RASGEF1C: variants seen among roughly 807,000 people sequenced by gnomAD.
The protein encoded by RASGEF1C is ras-GEF domain-containing family member 1C.
Under a neutral mutation model 58.1 loss-of-function variants are expected in RASGEF1C, and 27 were observed. The observed-to-expected ratio is 0.46, with a 90% confidence interval of 0.34 to 0.64. RASGEF1C has a LOEUF of 0.64. Among genes scored for constraint, RASGEF1C ranks in the 30% least tolerant of loss-of-function variants. The pLI is 0.01. For synonymous variants in RASGEF1C, 243 were observed against 246.3 expected (o/e 0.99, Z 0.13); for missense variants, 502 against 605.1 (o/e 0.83, Z 1.79).
rs4700913 is a variant in RASGEF1C at position 180,191,044 on chromosome 5, C to A, written c.-7+17984G>T. The stretch of plus-strand genomic sequence containing the variant: ...GGCAAATAGGCATAAGAAATGATGT[C>A]TCATATCATTAGTCATCTGGGAAGT... On this transcript the variant is annotated intron_variant, in intron 1 of 13. Coordinates refer to ENST00000361132, the MANE Select transcript of RASGEF1C (RefSeq NM_175062.4). Among the ~76,000 whole-genome samples, 17 of 152,134 alleles carry A rather than the reference C, an allele frequency of 1.1e-4. 1 individual carries two copies. Among genetic ancestry groups the A allele is most frequent in the African/African-American group, 4.1e-4 (17 of 41,414 alleles).
rs1275249184 is a variant in RASGEF1C at position 180,204,627 on chromosome 5, T to TATCG, written c.-7+4400_-7+4401insCGAT. On this transcript the variant is annotated intron_variant, in intron 1 of 13. Coordinates refer to ENST00000361132, the MANE Select transcript of RASGEF1C (RefSeq NM_175062.4). The stretch of plus-strand genomic sequence containing the variant: ...GTCAATGGATATTCCTCTATCTATC[T>TATCG]ATCTATCTATCTATCTATCTATCTA... Among the ~76,000 whole-genome samples the TATCG allele has an allele frequency of 1.1e-4, 17 of 150,758 alleles. No homozygotes were observed. In the South Asian group the frequency reaches 2.1e-3, roughly 19 times the overall value.
chr5:180,110,514 G>C (rs1048063105), intron 12 of RASGEF1C, among the ~76,000 whole-genome samples: 1 of 151,502 alleles, frequency 6.6e-6, no homozygotes, highest in Non-Finnish European at 1.5e-5. Flanking sequence ...CCCTCTCAGG[G>C]TGATGTGGGG....
chr5:180,110,748 C>T (rs1765946634), intron 12 of RASGEF1C, among the ~76,000 whole-genome samples: 1 of 152,208 alleles, frequency 6.6e-6, no homozygotes, highest in African/African-American at 2.4e-5. Flanking sequence ...GTTACACCTG[C>T]ACACACGTAC....
At chr5:180,107,721 G>C (rs887963942) in intron 12 of RASGEF1C, among the ~76,000 whole-genome samples, 3 of 152,160 alleles carry the variant, frequency 2.0e-5, no homozygotes, top group African/African-American at 7.2e-5. Context: ...CAATTCTTGT[G>C]CCTCAGCCAC....
At chr5:180,113,845 G>A (rs551234957) in intron 11 of RASGEF1C, among the ~76,000 whole-genome samples, 3 of 151,528 alleles carry the variant, frequency 2.0e-5, no homozygotes, top group African/African-American at 7.3e-5. Context: ...GACCGAGGAT[G>A]GATGGAGGGA....
intron 1 of RASGEF1C, among the ~76,000 whole-genome samples, chr5:180,202,015 C>G (rs141096058): frequency 8.2e-4 from 124 of 152,092 alleles, no homozygotes; most frequent in South Asian, 6.2e-3. Context: ...TGAAGAAAAT[C>G]CCTACATTAT....
chr5:180,121,258 C>G (rs1766162975), intron 6 of RASGEF1C, 109 bp from the exon 7 acceptor site: 5 of 723,286 alleles, frequency 6.9e-6, no homozygotes, highest in Non-Finnish European at 1.2e-5. Flanking sequence ...GTTAAAACCC[C>G]CAAACCATCC....
rs13354066 is a variant in RASGEF1C at position 180,128,407 on chromosome 5, T to C, written c.639+3A>G. The C allele has an allele frequency of 0.37, 604,069 of 1,611,758 alleles. 115,040 individuals are homozygous for C. Among genetic ancestry groups the C allele is most frequent in the African/African-American group, 0.47 (35,490 of 74,906 alleles). ...GTGAGGAAGGTGGTTTGGGCCGGCT[T>C]ACCAGTTCCACGTGGGTCAGCTGCT... On this transcript the variant is annotated splice_donor_region_variant and intron_variant, in intron 5 of 13. Transcript: ENST00000361132.
In RASGEF1C at chr5:180,193,692, C is replaced by T. The variant is rs57182265; in HGVS notation, c.-7+15336G>A. Among the ~76,000 whole-genome samples, 1,483 of 152,292 alleles carry T rather than the reference C, an allele frequency of 9.7e-3. 27 individuals carry two copies. Among genetic ancestry groups the T allele is most frequent in the Middle Eastern group, 0.044 (13 of 294 alleles). ...CAAAAATCAAATGCAGCACGTGGGA[C>T]GTGGATCTTTCCAGATTTGAACAAA... On this transcript the variant is annotated intron_variant, in intron 1 of 13. Coordinates refer to ENST00000361132, the MANE Select transcript of RASGEF1C (RefSeq NM_175062.4).
chr5:180,114,615 G>A (rs1582262699), intron 10 of RASGEF1C, 74 bp from the exon 11 acceptor site: 1 of 1,424,050 alleles, frequency 7.0e-7, no homozygotes, highest in East Asian at 2.5e-5. Context: ...GGGCAGCCTT[G>A]CCAGCAGATA....
At position 180,177,606 on chromosome 5, in the gene RASGEF1C, T is replaced by C. The variant is rs1767251568; in HGVS notation, c.-7+31422A>G. Among the ~76,000 whole-genome samples, 1 of 149,788 alleles carries C rather than the reference T, an allele frequency of 6.7e-6. No homozygotes were observed. Among genetic ancestry groups the C allele is most frequent in the Admixed American group, 6.6e-5 (1 of 15,200 alleles). ...CCATTTGTCCTTCCTCTCCTGCCCG[T>C]GGTAGGAGGACATGGCCCTGGTGCC... On this transcript the variant is annotated intron_variant, in intron 1 of 13. Coordinates refer to ENST00000361132, the MANE Select transcript of RASGEF1C (RefSeq NM_175062.4). The surrounding 1 kb of genome is among the most constrained non-coding windows in gnomAD (Gnocchi z 5.0).
At chr5:180,117,947 T>C (rs182548845) in intron 10 of RASGEF1C, among the ~76,000 whole-genome samples, 34 of 144,570 alleles carry the variant, frequency 2.4e-4, no homozygotes, top group African/African-American at 8.6e-4. Flanking sequence ...TGAGCCAAGA[T>C]TGCACCACTG....
At chr5:180,131,888 A>T (rs1766375769) in intron 4 of RASGEF1C, among the ~76,000 whole-genome samples, 1 of 152,212 alleles carries the variant, frequency 6.6e-6, no homozygotes, top group South Asian at 2.1e-4. Flanking sequence ...CCTGCTTGCT[A>T]ATTTATTTCG....
intron 12 of RASGEF1C, among the ~76,000 whole-genome samples, chr5:180,109,109 A>G (rs1231475895): frequency 6.6e-6 from 1 of 152,116 alleles, no homozygotes; most frequent in East Asian, 1.9e-4. Context: ...ACTCATCTTA[A>G]TGCCCAAGTT....
chr5:180,204,640 AT>A lies in RASGEF1C; in HGVS notation c.-7+4387del, dbSNP rs1308624707. 5.5e-4 allele frequency among the ~76,000 whole-genome samples: 84 copies of A among 152,046 alleles called. No individual in the cohort carries two copies. In the East Asian group the frequency reaches 0.015, roughly 28 times the overall value. Reference sequence around the variant, plus strand: ...CCTCTATCTATCTATCTATCTATCTATCTATCTATCTATCTATCTCATCTAT... The same window carrying A: ...CCTCTATCTATCTATCTATCTATCTACTATCTATCTATCTATCTCATCTAT... On this transcript the variant is annotated intron_variant, in intron 1 of 13. Coordinates refer to ENST00000361132, the MANE Select transcript of RASGEF1C (RefSeq NM_175062.4).
rs187534330 is a variant in RASGEF1C, at chr5:180,207,967, C to G, written c.-7+1061G>C. ...ATGTCCTTGCTTTTGCCTTTGATTT[C>G]TTGTTTGGTGTCCCCTCCCACACCA... On this transcript the variant is annotated intron_variant, in intron 1 of 13. Transcript: ENST00000361132. 2.2e-3 allele frequency among the ~76,000 whole-genome samples: 333 copies of G among 152,310 alleles called. 4 individuals are homozygous for G. The highest frequency in any genetic ancestry group is 7.5e-3 in the African/African-American group (310 of 41,582).
At chr5:180,151,991 G>A (rs1169833615) in intron 1 of RASGEF1C, among the ~76,000 whole-genome samples, 2 of 149,952 alleles carry the variant, frequency 1.3e-5, no homozygotes, top group Admixed American at 1.3e-4. Context: ...CTGGCTATCA[G>A]AGAAATGCAA....
At chr5:180,159,623 G>A (rs1399902346) in intron 1 of RASGEF1C, among the ~76,000 whole-genome samples, 4 of 152,170 alleles carry the variant, frequency 2.6e-5, no homozygotes, top group African/African-American at 2.4e-5. Flanking sequence ...AGAGATGATG[G>A]GGCTGCGGAC....
At position 180,155,376 on chromosome 5, in the gene RASGEF1C, G is replaced by A. The variant is rs1766832532; in HGVS notation, c.-6-17318C>T. On this transcript the variant is annotated intron_variant, in intron 1 of 13. Coordinates refer to ENST00000361132, the MANE Select transcript of RASGEF1C (RefSeq NM_175062.4). The surrounding 1 kb of genome is among the most constrained non-coding windows in gnomAD (Gnocchi z 5.2). ...TCCCTGATGTCTGAAGGGACGCTGT[G>A]GGGGAACTGCAGCCTCCCTAGGCCG... Among the ~76,000 whole-genome samples, 1 of 152,150 alleles carries A rather than the reference G, an allele frequency of 6.6e-6. No individual in the cohort carries two copies. Among genetic ancestry groups the A allele is most frequent in the Non-Finnish European group, 1.5e-5 (1 of 68,026 alleles).
Sources: gnomAD v4.1 joint callset for allele counts (sites outside exome capture counted in the v4.1 genomes callset) on GRCh38, gnomAD v4.1.1 for gene constraint, Gnocchi (gnomAD v3.1) non-coding constraint, MANE v1.5 for transcripts, NCBI Gene and HGNC (gene_info 2026-07-23, HGNC 2026-07-21) for gene names.